The following CFAP77 variants were observed in gnomAD, a reference collection of about 807,000 sequenced individuals.
CFAP77 encodes cilia- and flagella-associated protein 77.
In CFAP77, 25 loss-of-function variants were observed where a neutral mutation model predicts 31.1. That is an observed-to-expected ratio of 0.80 (90% CI 0.59 to 1.12). The LOEUF is 1.12. CFAP77 is among the 50% of genes most tolerant of loss of function. The probability of loss-of-function intolerance (pLI) is 0.00; values close to 1 mark genes in which losing one functional copy is unlikely to be tolerated. For missense variants in CFAP77, 377 were observed against 397.3 expected, an observed-to-expected ratio of 0.95 and a Z score of 0.44; for synonymous variants, 151 against 159.9, an observed-to-expected ratio of 0.94 and a Z score of 0.42.
intron 3 of CFAP77, among the ~76,000 whole-genome samples, chr9:132,533,233 T>C (rs1425985665): frequency 6.6e-6 from 1 of 152,208 alleles, no homozygotes; most frequent in African/African-American, 2.4e-5. Context: ...CCGAAGACTC[T>C]TCATGTTCCG....
At chr9:132,434,731 G>A (rs1203748630) in intron 1 of CFAP77, among the ~76,000 whole-genome samples, 2 of 152,174 alleles carry the variant, frequency 1.3e-5, no homozygotes, top group East Asian at 3.9e-4. Flanking sequence ...AAGCGCCCAT[G>A]AGCAGTGCAA....
intron 1 of CFAP77, among the ~76,000 whole-genome samples, chr9:132,471,058 T>C (rs773289717): frequency 1.3e-5 from 2 of 152,198 alleles, no homozygotes; most frequent in African/African-American, 2.4e-5. Flanking sequence ...ATTAAAACAC[T>C]TGTGTGGGCC....
chr9:132,479,720 T>G (rs1851415065), intron 1 of CFAP77, among the ~76,000 whole-genome samples: 1 of 152,212 alleles, frequency 6.6e-6, no homozygotes, highest in African/African-American at 2.4e-5. Context: ...GGACAGATGT[T>G]GCTGATGGAG....
intron 3 of CFAP77, among the ~76,000 whole-genome samples, chr9:132,530,139 T>C (rs1249956613): frequency 4.8e-5 from 7 of 144,996 alleles, no homozygotes; most frequent in Admixed American, 4.1e-4. Flanking sequence ...TTCTTTTCTT[T>C]TTTTTTTTTT....
intron 1 of CFAP77, among the ~76,000 whole-genome samples, chr9:132,422,985 A>T (rs1373058352): frequency 3.9e-5 from 6 of 152,234 alleles, no homozygotes; most frequent in Non-Finnish European, 8.8e-5. Flanking sequence ...CACAAGCCCA[A>T]GTCCGCCGCG....
In CFAP77 at chr9:132,411,443, C is replaced by T. The variant is rs563331471; in HGVS notation, c.195+977C>T. ...CTAGAATTAACTGAGTTAATTGGCTCCTGGCAAAACATTGACTCCCTCCTC... is the reference window on the plus strand; with the variant it reads ...CTAGAATTAACTGAGTTAATTGGCTTCTGGCAAAACATTGACTCCCTCCTC... On this transcript the variant is annotated intron_variant, in intron 1 of 5. Coordinates refer to ENST00000393216, the MANE Select transcript of CFAP77 (RefSeq NM_001282957.2). Among the ~76,000 whole-genome samples, 5 of 152,260 alleles carry T rather than the reference C, an allele frequency of 3.3e-5. No individual in the cohort carries two copies. In the East Asian group the frequency reaches 9.6e-4, roughly 29 times the overall value.
rs143116679 is a variant in CFAP77 at position 132,478,709 on chromosome 9, G to A, written c.196-19986G>A. On this transcript the variant is annotated intron_variant, in intron 1 of 5. Transcript: ENST00000393216. Reference sequence around the variant, plus strand: ...TAATGAAGAGGAGAGGGCTGGGGCCGGAGATGCTCATCTCAGCCTAGCCCT... The same window carrying A: ...TAATGAAGAGGAGAGGGCTGGGGCCAGAGATGCTCATCTCAGCCTAGCCCT... 9.8e-5 allele frequency among the ~76,000 whole-genome samples: 15 copies of A among 152,294 alleles called. No individual in the cohort carries two copies. The East Asian group carries it at 1.7e-3, about 18-fold the overall frequency.
At chr9:132,444,592 C>A (rs554706018) in intron 1 of CFAP77, among the ~76,000 whole-genome samples, 10 of 152,242 alleles carry the variant, frequency 6.6e-5, no homozygotes, top group South Asian at 4.1e-4. Flanking sequence ...TGAGTCCTTC[C>A]GGCAGGGTGG....
chr9:132,560,457 C>T (rs554044828), intron 5 of CFAP77, among the ~76,000 whole-genome samples: 4 of 152,344 alleles, frequency 2.6e-5, no homozygotes, highest in South Asian at 4.1e-4. Flanking sequence ...TTGCTCCTAG[C>T]GTCTAGCAAA....
rs11243798 is a variant in CFAP77 at position 132,499,519 on chromosome 9, G to T, written c.443G>T (p.Arg148Leu). The change falls in exon 3 of 6, where the codon CGC (arginine) becomes CTC (leucine). Residue 148 changes from arginine (R) to leucine (L), a missense_variant. Transcript: ENST00000393216. This position sits in a 1 kb window ranked among gnomAD's most constrained non-coding sequence, Gnocchi z 5.4. ...CTCTACCGTCAGCTCAATGACATCC[G>T]CATCAGTGACCAGGATGACCGGCGC... ...NLLYRQLNDI[R>L]ISDQDDRRMK... 3.7e-6 allele frequency: 6 copies of T among 1,614,174 alleles called. No homozygotes were observed. The highest frequency in any genetic ancestry group is 5.1e-6 in the Non-Finnish European group (6 of 1,180,026).
intron 5 of CFAP77, among the ~76,000 whole-genome samples, chr9:132,548,283 G>A (rs1164767721): frequency 7.8e-6 from 1 of 128,882 alleles, no homozygotes; most frequent in Non-Finnish European, 1.7e-5. Flanking sequence ...GCGGGGGGGT[G>A]GGGGGTGAAG....
At chr9:132,454,494 A>C (rs563665160) in intron 1 of CFAP77, among the ~76,000 whole-genome samples, 1 of 152,312 alleles carries the variant, frequency 6.6e-6, no homozygotes, top group South Asian at 2.1e-4. Context: ...TGAGGTTTCC[A>C]TTTGCAAGTA....
Position 132,485,994 on chromosome 9 carries a change from A to ATG in CFAP77, c.196-12700_196-12699insGT, listed in dbSNP as rs1564222847. On this transcript the variant is annotated intron_variant, in intron 1 of 5. Transcript: ENST00000393216. ...TTGAGAACACACACCTCATATATAT[A>ATG]TATATATATATATATATATATATAT... is the stretch of plus-strand genomic sequence containing the variant. Among the ~76,000 whole-genome samples the ATG allele has an allele frequency of 1.2e-3, 6 of 5,180 alleles. 3 individuals carry two copies. Among genetic ancestry groups the ATG allele is most frequent in the African/African-American group, 7.2e-3 (6 of 832 alleles). The allele number at this position is 5,180 out of a possible 152,430, so 3.4% of individuals were successfully genotyped here. A position where few individuals can be genotyped will look rare whatever the true frequency, so the allele number is the denominator to read the frequency against.
chr9:132,437,926 T>C (rs935267141), intron 1 of CFAP77, among the ~76,000 whole-genome samples: 8 of 151,270 alleles, frequency 5.3e-5, no homozygotes, highest in Non-Finnish European at 7.4e-5. Context: ...AAGTGAGACA[T>C]TGGCCAGGCG....
intron 5 of CFAP77, among the ~76,000 whole-genome samples, chr9:132,569,734 T>G (rs1481265934): frequency 8.0e-6 from 1 of 125,144 alleles, no homozygotes; most frequent in Non-Finnish European, 1.9e-5. Flanking sequence ...TGCCCTTTTT[T>G]TTTTTTTTTT....
chr9:132,521,646 A>G (rs1430489629), intron 3 of CFAP77, among the ~76,000 whole-genome samples: 1 of 151,200 alleles, frequency 6.6e-6, no homozygotes, highest in Non-Finnish European at 1.5e-5. Flanking sequence ...GTATGGGAGG[A>G]CTCTGCATTT....
In CFAP77 at chr9:132,501,564, G is replaced by C. The variant is rs1405065278; in HGVS notation, c.524+1964G>C. On this transcript the variant is annotated intron_variant, in intron 3 of 5. Coordinates refer to ENST00000393216, the MANE Select transcript of CFAP77 (RefSeq NM_001282957.2). The surrounding 1 kb of genome is among the most constrained non-coding windows in gnomAD (Gnocchi z 4.6). ...ACTACAGGCGTGCACCAACACGCCT[G>C]GCCAATTTTTGTATTTATAGTAGAG... Among the ~76,000 whole-genome samples the C allele has an allele frequency of 6.6e-6, 1 of 152,128 alleles. No individual in the cohort carries two copies. Among genetic ancestry groups the C allele is most frequent in the African/African-American group, 2.4e-5 (1 of 41,418 alleles).
intron 3 of CFAP77, among the ~76,000 whole-genome samples, chr9:132,515,180 GGGT>G (rs2119004129): frequency 6.6e-6 from 1 of 152,310 alleles, no homozygotes; most frequent in Admixed American, 6.5e-5. Flanking sequence ...GAATGTCTGG[GGGT>G]GGAAGGTGAC....
intron 1 of CFAP77, among the ~76,000 whole-genome samples, chr9:132,428,861 G>A (rs1850358645): frequency 6.6e-6 from 1 of 152,022 alleles, no homozygotes; most frequent in African/African-American, 2.4e-5. Context: ...CGATGGTGTT[G>A]GTCAGGGTCC....
Sources: allele counts gnomAD v4.1 joint callset (sites outside exome capture counted in the v4.1 genomes callset), GRCh38; gene constraint gnomAD v4.1.1; non-coding constraint Gnocchi (gnomAD v3.1); transcripts MANE v1.5; gene names NCBI Gene and HGNC (gene_info 2026-07-23, HGNC 2026-07-21).